Variants in ETFA observed in about 807,000 individuals in gnomAD.
ETFA encodes electron transfer flavoprotein subunit alpha, mitochondrial.
Under a neutral mutation model 46.2 loss-of-function variants are expected in ETFA, and 22 were observed. The observed-to-expected ratio is 0.48, with a 90% CI of 0.34 to 0.68. The LOEUF (loss-of-function observed/expected upper bound fraction) is 0.68, where lower values mean the gene tolerates loss of function less well. Among genes scored for constraint, ETFA ranks in the 30% least tolerant of loss-of-function variants. ETFA has a pLI of 0.01. For synonymous variants in ETFA, 131 were observed against 139.9 expected (o/e 0.94, Z 0.45); for missense variants, 345 against 401.1 (o/e 0.86, Z 1.19).
intron 4 of ETFA, among the ~76,000 whole-genome samples, chr15:76,291,075 G>A (rs893934026): frequency 5.3e-5 from 8 of 152,078 alleles, no homozygotes; most frequent in Admixed American, 5.2e-4. Context: ...AATTAGCTGG[G>A]CATGGTGGCA....
At chr15:76,300,163 A>ACTCTTC (rs2039865470) in intron 1 of ETFA, among the ~76,000 whole-genome samples, 1 of 152,212 alleles carries the variant, frequency 6.6e-6, no homozygotes, top group South Asian at 2.1e-4. Context: ...AGAGTGGCTC[A>ACTCTTC]AATATTTTAT....
chr15:76,295,460 T>C, intron 2 of ETFA, 131 bp downstream of exon 2: 1 of 800,338 alleles, frequency 1.2e-6, no homozygotes, highest in Non-Finnish European at 2.2e-6. Context: ...GTAATGGTTG[T>C]GACACTGACC....
chr15:76,226,851 C>A (rs1485627045), intron 10 of ETFA, among the ~76,000 whole-genome samples: 1 of 152,042 alleles, frequency 6.6e-6, no homozygotes, highest in Non-Finnish European at 1.5e-5. Context: ...TGCATTCCAG[C>A]CTGGGCGACA....
chr15:76,305,983 G>A (rs947930253), intron 1 of ETFA, among the ~76,000 whole-genome samples: 2 of 151,628 alleles, frequency 1.3e-5, no homozygotes, highest in African/African-American at 4.8e-5. Context: ...GAGTAGCTGT[G>A]ACTACAGGCA....
chr15:76,304,871 C>T (rs1246893384), intron 1 of ETFA, among the ~76,000 whole-genome samples: 12 of 151,788 alleles, frequency 7.9e-5, no homozygotes, highest in South Asian at 4.2e-4. Flanking sequence ...GGTGAAACCC[C>T]GTCTCTACTA....
chr15:76,243,541 T>G (rs2039212791), intron 9 of ETFA, among the ~76,000 whole-genome samples: 1 of 146,876 alleles, frequency 6.8e-6, no homozygotes, highest in Admixed American at 6.9e-5. Context: ...CTCACGCCAG[T>G]AATCCTAGCA....
chr15:76,291,052 C>T (rs529792202), intron 4 of ETFA, among the ~76,000 whole-genome samples: 4 of 152,052 alleles, frequency 2.6e-5, no homozygotes, highest in Non-Finnish European at 2.9e-5. Context: ...TACATCGATA[C>T]AAAAAATTTG....
At chr15:76,224,830 AG>A (rs1207426907) in intron 11 of ETFA, among the ~76,000 whole-genome samples, 7 of 152,180 alleles carry the variant, frequency 4.6e-5, no homozygotes, top group African/African-American at 1.7e-4. Flanking sequence ...CCCAGGAAAA[AG>A]AAGAGACCAG....
chr15:76,285,219 T>C (rs2039694674), intron 7 of ETFA, among the ~76,000 whole-genome samples: 1 of 152,106 alleles, frequency 6.6e-6, no homozygotes, highest in African/African-American at 2.4e-5. Context: ...TTTTAAAGAG[T>C]TATACACAAA....
Position 76,252,658 on chromosome 15 carries a change from T to C in ETFA, c.817-21260A>G, listed in dbSNP as rs561516712. On this transcript the variant is annotated intron_variant, in intron 9 of 11. Transcript: ENST00000557943. ...CTAAACGCAATACTTGGCCCTAAAGTGGATTCTGTATTAGGCTAACTGATA... is the reference window on the plus strand; with the variant it reads ...CTAAACGCAATACTTGGCCCTAAAGCGGATTCTGTATTAGGCTAACTGATA... Among the ~76,000 whole-genome samples the C allele has an allele frequency of 8.2e-4, 125 of 152,274 alleles. 1 individual carries two copies. Among genetic ancestry groups the C allele is most frequent in the Middle Eastern group, 3.4e-3 (1 of 294 alleles).
intron 11 of ETFA, among the ~76,000 whole-genome samples, chr15:76,225,528 A>T (rs927513154): frequency 6.6e-6 from 1 of 152,006 alleles, no homozygotes; most frequent in Non-Finnish European, 1.5e-5. Context: ...TGACCTCATG[A>T]TCCGCCCGCC....
chr15:76,300,752 T>TAC lies in ETFA; in HGVS notation c.40-5017_40-5016dup, dbSNP rs201454827. Reference sequence around the variant, plus strand: ...CATGTGTTTATTTTATGGCGTGATCTACCTCCCTAACCATATATCCCTCAC... The same window carrying TAC: ...CATGTGTTTATTTTATGGCGTGATCTACACCTCCCTAACCATATATCCCTCAC... On this transcript the variant is annotated intron_variant, in intron 1 of 11. Coordinates refer to ENST00000557943, the MANE Select transcript of ETFA (RefSeq NM_000126.4). Among the ~76,000 whole-genome samples, 793 of 152,322 alleles carry TAC rather than the reference T, an allele frequency of 5.2e-3. 8 individuals carry two copies. Among genetic ancestry groups the TAC allele is most frequent in the African/African-American group, 0.018 (733 of 41,570 alleles).
At chr15:76,300,432 C>G (rs1486381978) in intron 1 of ETFA, among the ~76,000 whole-genome samples, 1 of 152,122 alleles carries the variant, frequency 6.6e-6, no homozygotes, top group Non-Finnish European at 1.5e-5. Flanking sequence ...TCTAACCAAC[C>G]ACTCAAGTCA....
intron 9 of ETFA, among the ~76,000 whole-genome samples, chr15:76,252,610 A>T (rs564807733): frequency 2.6e-5 from 4 of 152,240 alleles, no homozygotes; most frequent in African/African-American, 9.6e-5. Context: ...CAACCATATA[A>T]CTTAAGACTA....
chr15:76,217,773 A>C (rs1384560990), intron 11 of ETFA: 1 of 334,198 alleles, frequency 3.0e-6, no homozygotes. Context: ...CGGCTGCCTT[A>C]GCTCACAAAG....
rs2039574310 is a variant in ETFA, at chr15:76,274,502, G to GA, written c.734-9dup. 2 of 1,604,990 alleles carry GA rather than the reference G, an allele frequency of 1.2e-6. No homozygotes were observed. The highest frequency in any genetic ancestry group is 1.7e-6 in the Non-Finnish European group (2 of 1,174,266). On this transcript the variant is annotated splice_polypyrimidine_tract_variant and intron_variant, in intron 8 of 11. Coordinates refer to ENST00000557943, the MANE Select transcript of ETFA (RefSeq NM_000126.4). ...CAGCACGGGAAGCACCAACTAAGGG[G>GA]AAAAAATATTTGTCATTTTTTTCAA...
In ETFA at chr15:76,311,308, C is replaced by CG. The variant is rs1185660092; in HGVS notation, c.39+41dup. The CG allele has an allele frequency of 2.2e-5, 34 of 1,548,478 alleles. 1 individual carries two copies. The highest frequency in any genetic ancestry group is 7.1e-5 in the South Asian group (6 of 84,014). On this transcript the variant is annotated intron_variant, in intron 1 of 11. Transcript: ENST00000557943. ...AGACCCCATAGGGACGGCGGGTTGACGGGGGGCCGTCCCTGGGTTCGCCTT... is the reference window on the plus strand; with the variant it reads ...AGACCCCATAGGGACGGCGGGTTGACGGGGGGGCCGTCCCTGGGTTCGCCTT...
intron 8 of ETFA, among the ~76,000 whole-genome samples, chr15:76,276,898 A>T (rs571111922): frequency 6.6e-6 from 1 of 152,058 alleles, no homozygotes; most frequent in South Asian, 2.1e-4. Context: ...AGTTGTTTTA[A>T]ATTTCCAGTC....
At chr15:76,220,617 A>C (rs762164819) in intron 11 of ETFA, among the ~76,000 whole-genome samples, 8 of 152,232 alleles carry the variant, frequency 5.3e-5, no homozygotes, top group Non-Finnish European at 7.3e-5. Flanking sequence ...TATATAAAGA[A>C]CACTAACAAC....
Sources: gnomAD v4.1 joint callset for allele counts (sites outside exome capture counted in the v4.1 genomes callset) on GRCh38, gnomAD v4.1.1 for gene constraint, MANE v1.5 for transcripts, NCBI Gene and HGNC (gene_info 2026-07-23, HGNC 2026-07-21) for gene names.